Variants in EIF4G3 observed in about 807,000 individuals in gnomAD.
EIF4G3 encodes the protein eIF-4-gamma 3.
A neutral mutation model predicts 186.4 loss-of-function variants in EIF4G3; 34 were observed. The observed-to-expected ratio is 0.18, with a 90% CI of 0.14 to 0.24. The LOEUF (loss-of-function observed/expected upper bound fraction) is 0.24. Among genes scored for constraint, EIF4G3 ranks in the 10% least tolerant of loss-of-function variants. The probability of loss-of-function intolerance (pLI) is 1.00; values close to 1 mark genes in which losing one functional copy is unlikely to be tolerated. For missense variants in EIF4G3, 1,536 were observed against 1,948.5 expected (o/e 0.79, Z 3.99); for synonymous variants, 673 against 679.5 (o/e 0.99, Z 0.15).
chr1:21,166,136 A>C (rs1311945273), intron 2 of EIF4G3, among the ~76,000 whole-genome samples: 1 of 140,142 alleles, frequency 7.1e-6, no homozygotes, highest in Non-Finnish European at 1.5e-5. Context: ...TTAAAAATTC[A>C]TACTTCCATG....
intron 2 of EIF4G3, among the ~76,000 whole-genome samples, chr1:21,152,320 G>A (rs1158208068): frequency 1.0e-5 from 1 of 96,110 alleles, no homozygotes; most frequent in Non-Finnish European, 1.9e-5. Context: ...CTGGGCAACA[G>A]AGCGAGACCC....
intron 14 of EIF4G3, among the ~76,000 whole-genome samples, chr1:20,911,865 T>G (rs902372283): frequency 6.6e-6 from 1 of 152,030 alleles, no homozygotes; most frequent in African/African-American, 2.4e-5. Context: ...ACACCTGTGG[T>G]TAATTGCAAA....
chr1:21,147,793 AC>A (rs2097475758), intron 2 of EIF4G3, among the ~76,000 whole-genome samples: 1 of 152,038 alleles, frequency 6.6e-6, no homozygotes, highest in South Asian at 2.1e-4. Flanking sequence ...TATCATTTTC[AC>A]CTATCAAATC....
At chr1:20,973,229 A>C in intron 10 of EIF4G3, 130 bp from the exon 11 acceptor site, 1 of 639,702 alleles carries the variant, frequency 1.6e-6, no homozygotes, top group Non-Finnish European at 2.6e-6. Flanking sequence ...ATTCTTCATC[A>C]TCTTTTTCCA....
At position 20,957,553 on chromosome 1, in the gene EIF4G3, G is replaced by A. The variant is rs112755227; in HGVS notation, c.715-7442C>T. On this transcript the variant is annotated intron_variant, in intron 12 of 36. Transcript: ENST00000602326. ...AAAAAAAAAAGAAATAACAGAAATT[G>A]CAGCAAAACTAAATGAAATTCAAAC... is the stretch of plus-strand genomic sequence containing the variant. Among the ~76,000 whole-genome samples, 598 of 147,462 alleles carry A rather than the reference G, an allele frequency of 4.1e-3. 6 individuals are homozygous for A. Among genetic ancestry groups the A allele is most frequent in the African/African-American group, 0.014 (559 of 40,506 alleles).
intron 3 of EIF4G3, among the ~76,000 whole-genome samples, chr1:21,079,623 G>A (rs1035315354): frequency 6.6e-6 from 1 of 151,230 alleles, no homozygotes; most frequent in African/African-American, 2.4e-5. Context: ...GGTTGAGGCT[G>A]CAGCGAGCCA....
intron 2 of EIF4G3, among the ~76,000 whole-genome samples, chr1:21,092,001 T>C (rs947060331): frequency 7.9e-5 from 12 of 152,220 alleles, no homozygotes; most frequent in Admixed American, 5.2e-4. Flanking sequence ...TCCTGCCTGA[T>C]TGCCCTGGCC....
At chr1:20,806,411 G>C (rs1309457095), downstream of EIF4G3, 1 of 152,590 alleles carries the variant, frequency 6.6e-6, no homozygotes, top group African/African-American at 2.4e-5. Context: ...ACAATAAATA[G>C]CCAGACAGCA....
At chr1:20,949,370 C>T (rs897564168) in intron 13 of EIF4G3, among the ~76,000 whole-genome samples, 1 of 152,292 alleles carries the variant, frequency 6.6e-6, no homozygotes, top group East Asian at 1.9e-4. Context: ...GTGTACTATT[C>T]CTTAATACAG....
chr1:20,960,544 G>T (rs1007786180), intron 12 of EIF4G3, among the ~76,000 whole-genome samples: 1 of 152,006 alleles, frequency 6.6e-6, no homozygotes, highest in African/African-American at 2.4e-5. Flanking sequence ...TTGAATTCAG[G>T]AGTTTGAGAC....
chr1:20,833,339 T>C (rs553609723), intron 30 of EIF4G3, among the ~76,000 whole-genome samples: 1 of 152,172 alleles, frequency 6.6e-6, no homozygotes. Flanking sequence ...CCCTTGTAAG[T>C]TGGATTCCTA....
chr1:21,013,667 A>G (rs993198382), intron 4 of EIF4G3, among the ~76,000 whole-genome samples: 4 of 152,220 alleles, frequency 2.6e-5, no homozygotes, highest in African/African-American at 7.2e-5. Context: ...CCACTCTTAG[A>G]TCAAGGCAGC....
At chr1:20,860,548 A>C in intron 23 of EIF4G3, 31 bp from the exon 24 acceptor site, 1 of 1,588,038 alleles carries the variant, frequency 6.3e-7, no homozygotes, top group Non-Finnish European at 8.5e-7. Context: ...GTTATCTGCC[A>C]GATAAACTGA....
intron 2 of EIF4G3, chr1:21,169,567 C>T (rs536433403): frequency 7.9e-5 from 12 of 152,252 alleles, no homozygotes; most frequent in Non-Finnish European, 1.6e-4. Context: ...TTATGTCTTG[C>T]TCTTATAATC....
In EIF4G3 at chr1:21,149,319, G is replaced by C. The variant is rs75679594; in HGVS notation, c.-272+26856C>G. On this transcript the variant is annotated intron_variant, in intron 2 of 36. Coordinates refer to ENST00000602326, the MANE Select transcript of EIF4G3 (RefSeq NM_001391906.1). ...TTTATCGAAATACATCAATGAGTTAGAGTTATGAGTAAACTGTTATTCTTT... is the reference window on the plus strand; with the variant it reads ...TTTATCGAAATACATCAATGAGTTACAGTTATGAGTAAACTGTTATTCTTT... 6.0e-3 allele frequency among the ~76,000 whole-genome samples: 909 copies of C among 152,144 alleles called. 14 individuals are homozygous for C. The highest frequency in any genetic ancestry group is 0.024 in the East Asian group (125 of 5,182).
In EIF4G3 at chr1:20,814,925, G is replaced by GGC. The variant is rs2060172863; in HGVS notation, c.4516-1688_4516-1687dup. Among the ~76,000 whole-genome samples, 3 of 107,926 alleles carry GGC rather than the reference G, an allele frequency of 2.8e-5. No individual in the cohort carries two copies. In the Admixed American group the frequency reaches 2.9e-4, roughly 11 times the overall value. 70.8% of individuals were successfully genotyped at this position (107,926 alleles called of 152,430 possible). A position where few individuals can be genotyped will look rare whatever the true frequency, so the allele number is the denominator to read the frequency against. On this transcript the variant is annotated intron_variant, in intron 34 of 36. Coordinates refer to ENST00000602326, the MANE Select transcript of EIF4G3 (RefSeq NM_001391906.1). Reference sequence around the variant, plus strand: ...AGCCTGCCGAGTGCCTGCGATTGCAGGCGCGCGCTGCCACGCCTGACTGGT... The same window carrying GGC: ...AGCCTGCCGAGTGCCTGCGATTGCAGGCGCGCGCGCTGCCACGCCTGACTGGT...
At chr1:20,959,941 A>G (rs2096534408) in intron 12 of EIF4G3, among the ~76,000 whole-genome samples, 2 of 152,108 alleles carry the variant, frequency 1.3e-5, no homozygotes, top group Admixed American at 1.3e-4. Flanking sequence ...TGGGAATGTA[A>G]AACTGGTGGG....
At chr1:21,167,842 A>T (rs1428506815) in intron 2 of EIF4G3, 2 of 290,276 alleles carry the variant, frequency 6.9e-6, no homozygotes, top group Admixed American at 1.1e-4. Context: ...ACTTAAAGAG[A>T]TAATAAAGAA....
chr1:20,895,217 T>C (rs771034234), intron 17 of EIF4G3, 151 bp downstream of exon 17: 16 of 918,482 alleles, frequency 1.7e-5, no homozygotes, highest in African/African-American at 6.6e-5. Context: ...AATCCAACAG[T>C]GTTTAGGGAA....
Sources: gnomAD v4.1 joint callset for allele counts (sites outside exome capture counted in the v4.1 genomes callset) on GRCh38, gnomAD v4.1.1 for gene constraint, MANE v1.5 for transcripts, NCBI Gene and HGNC (gene_info 2026-07-23, HGNC 2026-07-21) for gene names.